Variants in FHAD1 observed in about 807,000 individuals in gnomAD.
FHAD1 encodes forkhead-associated domain-containing protein 1.
FHAD1 carries 146 observed loss-of-function variants against 191.3 expected under a neutral mutation model. That is an observed-to-expected ratio of 0.76 (90% CI 0.67 to 0.88). The LOEUF is 0.88. Ranked by LOEUF, FHAD1 falls within the 40% of genes least tolerant of loss-of-function variation. FHAD1 has a pLI of 0.00. For synonymous variants in FHAD1, 616 were observed against 672.3 expected (o/e 0.92, Z 1.29); for missense variants, 1,635 against 1,785.8 (o/e 0.92, Z 1.52).
At chr1:15,279,364 T>G (rs985692707) in intron 3 of FHAD1, among the ~76,000 whole-genome samples, 1 of 152,092 alleles carries the variant, frequency 6.6e-6, no homozygotes, top group Non-Finnish European at 1.5e-5. Flanking sequence ...TTCATGTAAC[T>G]GAAAAGGCCA....
intron 3 of FHAD1, among the ~76,000 whole-genome samples, chr1:15,274,065 G>A (rs752538763): frequency 3.3e-5 from 5 of 152,184 alleles, no homozygotes; most frequent in Non-Finnish European, 5.9e-5. Context: ...TGTAGCATGC[G>A]TCAGACTGTC....
At chr1:15,351,352 A>T (rs1443875429) in intron 19 of FHAD1, among the ~76,000 whole-genome samples, 1 of 152,188 alleles carries the variant, frequency 6.6e-6, no homozygotes, top group Non-Finnish European at 1.5e-5. Context: ...CTCAAAAAAA[A>T]TTAAAATTAA....
At chr1:15,374,723 CT>C in intron 27 of FHAD1, 92 bp downstream of exon 27, 1 of 1,471,048 alleles carries the variant, frequency 6.8e-7, no homozygotes, top group South Asian at 1.3e-5. Flanking sequence ...CATGTTTTAT[CT>C]GCATCATCCC....
intron 2 of FHAD1, among the ~76,000 whole-genome samples, chr1:15,255,985 G>C (rs1273176418): frequency 6.6e-6 from 1 of 152,194 alleles, no homozygotes; most frequent in Non-Finnish European, 1.5e-5. Flanking sequence ...GCCTTGTGCA[G>C]AAACCAGGAG....
chr1:15,246,919 T>A (rs569729422), upstream of FHAD1, among the ~76,000 whole-genome samples: 1 of 152,232 alleles, frequency 6.6e-6, no homozygotes, highest in South Asian at 2.1e-4. Flanking sequence ...TTCAGCTCCA[T>A]CAATCTCCTA....
At chr1:15,269,145 C>G (rs1654835032) in intron 2 of FHAD1, among the ~76,000 whole-genome samples, 1 of 152,010 alleles carries the variant, frequency 6.6e-6, no homozygotes, top group East Asian at 1.9e-4. Flanking sequence ...TTGATTCTCT[C>G]TATTGTCTTC....
Position 15,276,278 on chromosome 1 carries a change from G to A in FHAD1, c.300+3749G>A, listed in dbSNP as rs2101467889. On this transcript the variant is annotated intron_variant, in intron 3 of 33. Coordinates refer to ENST00000688493, the MANE Select transcript of FHAD1 (RefSeq NM_001391957.1). This position sits in a 1 kb window ranked among gnomAD's most constrained non-coding sequence, Gnocchi z 4.7. ...CAGTATCTGGTGCCTATGATAGCAG[G>A]AAGGTAAGAGGAGCACGCTAGCAGC... Among the ~76,000 whole-genome samples, 1 of 152,334 alleles carries A rather than the reference G, an allele frequency of 6.6e-6. No homozygotes were observed. Among genetic ancestry groups the A allele is most frequent in the East Asian group, 1.9e-4 (1 of 5,192 alleles).
intron 14 of FHAD1, among the ~76,000 whole-genome samples, chr1:15,337,602 G>A (rs1475462534): frequency 2.0e-5 from 3 of 152,150 alleles, no homozygotes; most frequent in Non-Finnish European, 4.4e-5. Flanking sequence ...GTAGAGACCA[G>A]GAATGCTACT....
chr1:15,349,777 C>T (rs1690181988), intron 19 of FHAD1, among the ~76,000 whole-genome samples: 2 of 152,308 alleles, frequency 1.3e-5, no homozygotes, highest in South Asian at 4.1e-4. Context: ...ATGGGCACCC[C>T]AGGACAGACT....
At chr1:15,360,373 G>A in intron 21 of FHAD1, 105 bp from the exon 22 acceptor site, 1 of 967,024 alleles carries the variant, frequency 1.0e-6, no homozygotes, top group South Asian at 1.6e-5. Flanking sequence ...CTAAGGCCCT[G>A]GGGTGGGGCC....
chr1:15,248,948 C>A (rs1023584824), intron 1 of FHAD1, among the ~76,000 whole-genome samples: 2 of 151,606 alleles, frequency 1.3e-5, no homozygotes, highest in Non-Finnish European at 2.9e-5. Context: ...TATCCCTATC[C>A]TCTCAGGATA....
At chr1:15,379,467 A>G (rs1464924177) in intron 28 of FHAD1, among the ~76,000 whole-genome samples, 2 of 152,192 alleles carry the variant, frequency 1.3e-5, no homozygotes, top group Admixed American at 1.3e-4. Flanking sequence ...GAGACATTCC[A>G]TTGCCCAGGG....
chr1:15,349,733 C>T (rs1032939968), intron 19 of FHAD1, among the ~76,000 whole-genome samples: 1 of 152,172 alleles, frequency 6.6e-6, no homozygotes, highest in African/African-American at 2.4e-5. Flanking sequence ...CAGATAAGCC[C>T]CAGGGATCAG....
rs547888900 is a variant in FHAD1 at position 15,326,722 on chromosome 1, T to C, written c.1474-337T>C. ...ATTTATTTCACAGTCTGGTGCCAAC[T>C]TAGCAATTACGGAAGAGCGCTCCCG... On this transcript the variant is annotated intron_variant, in intron 11 of 33. Coordinates refer to ENST00000688493, the MANE Select transcript of FHAD1 (RefSeq NM_001391957.1). 189 of 204,642 alleles carry C rather than the reference T, an allele frequency of 9.2e-4. 1 individual carries two copies. Among genetic ancestry groups the C allele is most frequent in the Non-Finnish European group, 1.6e-3 (159 of 102,572 alleles). 12.7% of individuals were successfully genotyped at this position (204,642 alleles called of 1,614,324 possible).
At chr1:15,240,116 A>C (rs1034087396) in intron 1 of FHAD1, among the ~76,000 whole-genome samples, 3 of 152,218 alleles carry the variant, frequency 2.0e-5, no homozygotes. Context: ...ATGTTACATA[A>C]GATTATAACT....
intron 28 of FHAD1, 47 bp downstream of exon 28, chr1:15,375,777 G>T: frequency 6.7e-7 from 1 of 1,490,426 alleles, no homozygotes; most frequent in Non-Finnish European, 8.9e-7. Context: ...GTGGAGAGGA[G>T]GGGCCTGAGG....
chr1:15,384,014 G>GCA, intron 31 of FHAD1: 1 of 289,254 alleles, frequency 3.5e-6, no homozygotes, highest in Non-Finnish European at 7.0e-6. Context: ...GTGTGTGTGT[G>GCA]CACATGTGTA....
At chr1:15,321,096 A>T (rs539739717) in intron 10 of FHAD1, among the ~76,000 whole-genome samples, 1 of 152,258 alleles carries the variant, frequency 6.6e-6, no homozygotes, top group South Asian at 2.1e-4. Context: ...CACCATGCCC[A>T]GCTAAACTTG....
intron 5 of FHAD1, among the ~76,000 whole-genome samples, chr1:15,298,838 G>A (rs1040101831): frequency 6.6e-6 from 1 of 151,900 alleles, no homozygotes; most frequent in Non-Finnish European, 1.5e-5. Flanking sequence ...GACTTGTCAG[G>A]ACTCCTTCAA....
Sources: allele counts gnomAD v4.1 joint callset (sites outside exome capture counted in the v4.1 genomes callset), GRCh38; gene constraint gnomAD v4.1.1; non-coding constraint Gnocchi (gnomAD v3.1); transcripts MANE v1.5; gene names NCBI Gene and HGNC (gene_info 2026-07-23, HGNC 2026-07-21).